UNC13A: variants seen among roughly 807,000 people sequenced by gnomAD.
UNC13A encodes protein unc-13 homolog A.
UNC13A carries 61 observed loss-of-function variants against 219.7 expected under a neutral mutation model. That is an observed-to-expected ratio of 0.28 (90% CI 0.23 to 0.34). The LOEUF (loss-of-function observed/expected upper bound fraction) is 0.34. Ranked by LOEUF, UNC13A falls within the 10% of genes least tolerant of loss-of-function variation. The probability of loss-of-function intolerance (pLI) is 1.00; values close to 1 mark genes in which losing one functional copy is unlikely to be tolerated. For missense variants in UNC13A, 1,476 were observed against 2,270.3 expected, an observed-to-expected ratio of 0.65 and a Z score of 7.11; for synonymous variants, 920 against 884.6, an observed-to-expected ratio of 1.04 and a Z score of -0.71.
Position 17,604,853 on chromosome 19 carries a change from G to A in UNC13A, c.*1201C>T, listed in dbSNP as rs2076504248. On this transcript the variant is annotated 3_prime_UTR_variant, in exon 44 of 44. Coordinates refer to ENST00000519716, the MANE Select transcript of UNC13A (RefSeq NM_001080421.3). ...GACTAAGCTCTCACTGTGTCACTGTGTTTGTGTTTCTCTCTCTCTCATTCT... is the reference window on the plus strand; with the variant it reads ...GACTAAGCTCTCACTGTGTCACTGTATTTGTGTTTCTCTCTCTCTCATTCT... 6.6e-6 allele frequency: 1 copy of A among 151,650 alleles called. No homozygotes were observed. Among genetic ancestry groups the A allele is most frequent in the Non-Finnish European group, 1.5e-5 (1 of 67,904 alleles). The allele number at this position is 151,650 out of a possible 1,614,324, so 9.4% of individuals were successfully genotyped here.
At chr19:17,679,770 T>C (rs1438757875) in intron 1 of UNC13A, among the ~76,000 whole-genome samples, 1 of 152,172 alleles carries the variant, frequency 6.6e-6, no homozygotes, top group Admixed American at 6.6e-5. Flanking sequence ...TTTTGGTCTC[T>C]GTTCTCTCCT....
chr19:17,660,270 C>A (rs964349990), intron 8 of UNC13A, among the ~76,000 whole-genome samples: 3 of 141,756 alleles, frequency 2.1e-5, no homozygotes, highest in African/African-American at 8.7e-5. Context: ...AGGCTGTGCA[C>A]ATGTTTACCC....
At chr19:17,626,913 G>A in intron 33 of UNC13A, 128 bp from the exon 34 acceptor site, 2 of 1,350,500 alleles carry the variant, frequency 1.5e-6, no homozygotes, top group South Asian at 3.2e-5. Flanking sequence ...TGGAGAACAG[G>A]CCAGATGCGG....
chr19:17,647,852 T>A (rs1364134887), intron 16 of UNC13A, among the ~76,000 whole-genome samples: 2 of 114,568 alleles, frequency 1.7e-5, no homozygotes, highest in African/African-American at 6.7e-5. Flanking sequence ...CCTCTCTGAG[T>A]CCCACCCCTC....
chr19:17,606,294 G>C lies in UNC13A; in HGVS notation c.4872C>G (p.Tyr1624Ter). The change falls in exon 44 of 44, where the codon TAC becomes TAG. Residue 1624 changes from tyrosine (Y) to a stop codon, truncating the protein, a stop_gained. Transcript: ENST00000519716. LOFTEE classifies it low-confidence loss of function (END_TRUNC). ...CCGTGCGGTCCTCGCGCGCGAAGCAGTAGTCCTTGACGCACACCTGCAGCT... is the reference window on the plus strand; with the variant it reads ...CCGTGCGGTCCTCGCGCGCGAAGCACTAGTCCTTGACGCACACCTGCAGCT... ...CYELQVCVKDYCFAREDRTVG... is the reference protein window; with the variant it reads ...CYELQVCVKD 1 of 1,549,762 alleles carries C rather than the reference G, an allele frequency of 6.5e-7. No homozygotes were observed. Among genetic ancestry groups the C allele is most frequent in the Non-Finnish European group, 8.7e-7 (1 of 1,147,498 alleles).
intron 36 of UNC13A, chr19:17,623,302 TAGTGGG>T: frequency 2.1e-6 from 1 of 473,340 alleles, no homozygotes; most frequent in East Asian, 3.6e-5. Context: ...TGGGAGTGGG[TAGTGGG>T]GCTCCTCTGG....
intron 20 of UNC13A, among the ~76,000 whole-genome samples, chr19:17,642,321 A>G (rs2076979766): frequency 6.6e-6 from 1 of 151,990 alleles, no homozygotes; most frequent in South Asian, 2.1e-4. Flanking sequence ...TCAATAGTTC[A>G]ATCATATATC....
chr19:17,666,121 CTTTTCTTTCT>C (rs139397794), intron 7 of UNC13A, among the ~76,000 whole-genome samples: 1,837 of 128,520 alleles, frequency 0.014, 52 homozygotes, highest in African/African-American at 0.045. Context: ...TTTCTCTTTT[CTTTTCTTTCT>C]TTTTCTTTCT....
At position 17,646,620 on chromosome 19, in the gene UNC13A, G is replaced by T. The variant is rs7247797; in HGVS notation, c.2045-509C>A. 7.3e-3 allele frequency among the ~76,000 whole-genome samples: 1,107 copies of T among 152,184 alleles called. 21 individuals carry two copies. Among genetic ancestry groups the T allele is most frequent in the African/African-American group, 0.026 (1,061 of 41,524 alleles). On this transcript the variant is annotated intron_variant, in intron 17 of 43. Coordinates refer to ENST00000519716, the MANE Select transcript of UNC13A (RefSeq NM_001080421.3). ...CTCTCTCAGGTGTGAACTCCCTGAG[G>T]TCAGACACTTACAAGAACCCATTGC... is the stretch of plus-strand genomic sequence containing the variant.
At chr19:17,643,369 G>C (rs116263957) in intron 19 of UNC13A, among the ~76,000 whole-genome samples, 8 of 152,022 alleles carry the variant, frequency 5.3e-5, no homozygotes, top group African/African-American at 1.9e-4. Context: ...GTCCAGGTTA[G>C]AGTGCGGTGG....
intron 9 of UNC13A, among the ~76,000 whole-genome samples, chr19:17,657,699 T>G (rs1243093196): frequency 6.6e-6 from 1 of 151,800 alleles, no homozygotes; most frequent in Non-Finnish European, 1.5e-5. Flanking sequence ...GACCCCCATC[T>G]CCACAAAAAA....
intron 9 of UNC13A, among the ~76,000 whole-genome samples, chr19:17,657,080 A>G (rs1251893460): frequency 6.6e-6 from 1 of 152,040 alleles, no homozygotes; most frequent in Non-Finnish European, 1.5e-5. Context: ...CTGTCTCCAC[A>G]GTTCCTGCTT....
intron 11 of UNC13A, 108 bp downstream of exon 11, chr19:17,655,166 G>T (rs981641396): frequency 4.5e-6 from 4 of 887,672 alleles, no homozygotes; most frequent in South Asian, 1.4e-5. Flanking sequence ...CGGGTGGGGT[G>T]TTGGGCGTGG....
intron 39 of UNC13A, 79 bp downstream of exon 39, chr19:17,618,827 C>T: frequency 7.1e-7 from 1 of 1,407,410 alleles, no homozygotes; most frequent in South Asian, 1.2e-5. Context: ...GGGACCCCTC[C>T]CCCAGGATGG....
At chr19:17,648,362 T>C in intron 16 of UNC13A, 69 bp downstream of exon 16, 2 of 1,342,050 alleles carry the variant, frequency 1.5e-6, no homozygotes, top group Admixed American at 5.8e-5. Flanking sequence ...CCTTCAGCCT[T>C]TCCCCGCCAT....
chr19:17,675,192 G>C (rs961518586), intron 2 of UNC13A, among the ~76,000 whole-genome samples: 3 of 151,818 alleles, frequency 2.0e-5, no homozygotes, highest in Admixed American at 6.6e-5. Flanking sequence ...TAATTAGCTG[G>C]GTGCAGTGGT....
Position 17,656,336 on chromosome 19 carries a change from C to G in UNC13A, c.830G>C (p.Ser277Thr), listed in dbSNP as rs866174191. The change falls in exon 10 of 44, where the codon AGC becomes ACC. Residue 277 changes from serine to threonine, a missense_variant. Coordinates refer to ENST00000519716, the MANE Select transcript of UNC13A (RefSeq NM_001080421.3). ...GTGCTCGTCAGGGTCGAAGTCCTCG[C>G]TCAGCTGAGAGCTTCCCTGGCTCAG... ...GELSQGSSQL[S>T]EDFDPDEHSL... 6.4e-7 allele frequency: 1 copy of G among 1,559,128 alleles called. No individual in the cohort carries two copies. The highest frequency in any genetic ancestry group is 8.7e-7 in the Non-Finnish European group (1 of 1,152,204).
At chr19:17,675,035 C>A (rs929324603) in intron 2 of UNC13A, among the ~76,000 whole-genome samples, 4 of 152,202 alleles carry the variant, frequency 2.6e-5, no homozygotes, top group Non-Finnish European at 5.9e-5. Context: ...CTGTAAGAAA[C>A]CCCCTTTGCA....
chr19:17,648,299 T>G (rs2145069111), intron 16 of UNC13A, 132 bp downstream of exon 16: 1 of 378,494 alleles, frequency 2.6e-6, no homozygotes, highest in Non-Finnish European at 3.4e-6. Flanking sequence ...CTCCCCTGCC[T>G]CACGACGCCC....
Sources: gnomAD v4.1 joint callset for allele counts (sites outside exome capture counted in the v4.1 genomes callset) on GRCh38, gnomAD v4.1.1 for gene constraint, MANE v1.5 for transcripts, NCBI Gene and HGNC (gene_info 2026-07-23, HGNC 2026-07-21) for gene names.